The following AGPAT2 variants were observed in gnomAD, a reference collection of about 807,000 sequenced individuals.
AGPAT2 encodes the protein 1-acylglycerol-3-phosphate O-acyltransferase 2.
Under a neutral mutation model 26.1 loss-of-function variants are expected in AGPAT2, and 18 were observed. That is an observed-to-expected ratio of 0.69 (90% confidence interval 0.48 to 1.02). The LOEUF (loss-of-function observed/expected upper bound fraction) is 1.02. Ranked by LOEUF, AGPAT2 falls within the 50% of genes least tolerant of loss-of-function variation. AGPAT2 has a pLI of 0.00. For synonymous variants in AGPAT2, 200 were observed against 174.2 expected, an observed-to-expected ratio of 1.15 and a Z score of -1.16; for missense variants, 415 against 394.9, an observed-to-expected ratio of 1.05 and a Z score of -0.43.
In AGPAT2 at chr9:136,673,235, G is replaced by A. The variant is rs10320; in HGVS notation, c.*517C>T. 0.24 allele frequency: 36,271 copies of A among 152,966 alleles called. 4,853 individuals are homozygous for A. The highest frequency in any genetic ancestry group is 0.59 in the East Asian group (3,056 of 5,196). The allele number at this position is 152,966 out of a possible 1,614,324, so 9.5% of individuals were successfully genotyped here. On this transcript the variant is annotated 3_prime_UTR_variant, in exon 6 of 6. Transcript: ENST00000371696. ...CAGGCCAGCAGGAGCAGCAGGCCCC[G>A]ATTCCCGGCTCCCTGTGGCCCAGGG... is the stretch of plus-strand genomic sequence containing the variant.
chr9:136,685,942 G>A (rs765533472), intron 1 of AGPAT2, among the ~76,000 whole-genome samples: 1 of 152,184 alleles, frequency 6.6e-6, no homozygotes, highest in African/African-American at 2.4e-5. Flanking sequence ...GGACGTCAGC[G>A]CCAGTCACCA....
At chr9:136,683,406 C>T (rs1202875822) in intron 1 of AGPAT2, among the ~76,000 whole-genome samples, 1 of 152,170 alleles carries the variant, frequency 6.6e-6, no homozygotes, top group African/African-American at 2.4e-5. Flanking sequence ...GGCTGGGACA[C>T]TCCCAGGAGA....
Position 136,677,526 on chromosome 9 carries a change from C to T in AGPAT2, c.213G>A (p.Lys71=), listed in dbSNP as rs1468922821. The T allele has an allele frequency of 1.2e-6, 2 of 1,612,958 alleles. No individual in the cohort carries two copies. Among genetic ancestry groups the T allele is most frequent in the Admixed American group, 3.3e-5 (2 of 60,034 alleles). ...CCTCGAAGCGGAGCCCGTAAAAGTA[C>T]TTGAAGCTTCGCACGAACCAGCCGA... is the stretch of plus-strand genomic sequence containing the variant. ...SIIGWFVRSF[K]YFYGLRFEVR... The change falls in exon 2 of 6, where the codon AAG becomes AAA. Residue 71 remains lysine, a synonymous_variant. Coordinates refer to ENST00000371696, the MANE Select transcript of AGPAT2 (RefSeq NM_006412.4).
chr9:136,680,238 T>C (rs1180844868), intron 1 of AGPAT2, among the ~76,000 whole-genome samples: 1 of 152,222 alleles, frequency 6.6e-6, no homozygotes, highest in African/African-American at 2.4e-5. Flanking sequence ...TTTACTTTTT[T>C]ATTTTTGAGA....
At chr9:136,677,192 G>A (rs1174876772) in intron 2 of AGPAT2, 56 bp from the exon 3 acceptor site, 1 of 1,594,736 alleles carries the variant, frequency 6.3e-7, no homozygotes, top group Non-Finnish European at 8.6e-7. Flanking sequence ...TGCGCTGGAA[G>A]ACAGCTGCTG....
intron 1 of AGPAT2, among the ~76,000 whole-genome samples, chr9:136,681,228 C>T (rs1009641579): frequency 3.3e-5 from 5 of 152,088 alleles, no homozygotes; most frequent in East Asian, 1.9e-4. Context: ...CGCTGTGTCC[C>T]GCCGCCCACC....
In AGPAT2 at chr9:136,675,650, A is replaced by G. The variant is rs1158700345; in HGVS notation, c.589-843T>C. Among the ~76,000 whole-genome samples, 3 of 152,078 alleles carry G rather than the reference A, an allele frequency of 2.0e-5. No individual in the cohort carries two copies. The East Asian group carries it at 5.8e-4, about 30-fold the overall frequency. On this transcript the variant is annotated intron_variant, in intron 4 of 5. Transcript: ENST00000371696. ...CTGAAGCTGCACTGCGGCCACCCCC[A>G]GCCACCCCATCACAGCCGCCCGTCT...
intron 1 of AGPAT2, among the ~76,000 whole-genome samples, chr9:136,685,335 GGGGACAGGGCCCAGTGGGGCAGCA>G (rs1305821744): frequency 6.6e-6 from 1 of 152,246 alleles, no homozygotes; most frequent in East Asian, 1.9e-4. Context: ...AAGCTGAGAT[GGGGACAGGGCCCAGTGGGGCAGCA>G]GGGCCAGTGC....
At position 136,677,488 on chromosome 9, in the gene AGPAT2, C is replaced by T. The variant is rs755548321; in HGVS notation, c.251G>A (p.Arg84His). ...ACAGGGACGGGCCTCCTGCAGCCTG[C>T]GCGGGTCCCGCACCTCGAAGCGGAG... Reference protein sequence around the residue: ...YGLRFEVRDPRRLQEARPCVI... With the variant: ...YGLRFEVRDPHRLQEARPCVI... The change falls in exon 2 of 6, where the codon CGC becomes CAC. Residue 84 changes from arginine to histidine, a missense_variant. By Grantham distance (29) the Arg-to-His change is conservative. Coordinates refer to ENST00000371696, the MANE Select transcript of AGPAT2 (RefSeq NM_006412.4). 9 of 1,612,934 alleles carry T rather than the reference C, an allele frequency of 5.6e-6. No homozygotes were observed. The highest frequency in any genetic ancestry group is 3.3e-5 in the Admixed American group (2 of 60,016).
At chr9:136,680,943 G>A (rs1256329815) in intron 1 of AGPAT2, among the ~76,000 whole-genome samples, 3 of 152,144 alleles carry the variant, frequency 2.0e-5, no homozygotes, top group South Asian at 4.1e-4. Context: ...GGGATGACAG[G>A]AAGGAGCCAG....
intron 1 of AGPAT2, among the ~76,000 whole-genome samples, chr9:136,680,171 C>T (rs1168241906): frequency 6.6e-6 from 1 of 152,202 alleles, no homozygotes; most frequent in Non-Finnish European, 1.5e-5. Flanking sequence ...GCTCGGGCCA[C>T]ATCTGAAAGG....
In AGPAT2 at chr9:136,676,021, G is replaced by A. The variant is rs371118838; in HGVS notation, c.588+564C>T. Among the ~76,000 whole-genome samples, 25 of 152,314 alleles carry A rather than the reference G, an allele frequency of 1.6e-4. No individual in the cohort carries two copies. In the East Asian group the frequency reaches 4.4e-3, roughly 27 times the overall value. ...CAACTCTTCCCAGCACAGCGGCAGA[G>A]GCAGGACAGGTGCTGGGGGAATGGC... On this transcript the variant is annotated intron_variant, in intron 4 of 5. Coordinates refer to ENST00000371696, the MANE Select transcript of AGPAT2 (RefSeq NM_006412.4).
chr9:136,686,989 GTGACTCCGGGACCCCC>G (rs933529352), intron 1 of AGPAT2, among the ~76,000 whole-genome samples, 171 bp downstream of exon 1: 60 of 152,254 alleles, frequency 3.9e-4, no homozygotes, highest in African/African-American at 1.4e-3. Flanking sequence ...CCTTGACCCC[GTGACTCCGGGACCCCC>G]TGACTCCGGG....
At chr9:136,677,622 C>T in intron 1 of AGPAT2, 66 bp from the exon 2 acceptor site, 2 of 1,601,816 alleles carry the variant, frequency 1.2e-6, no homozygotes, top group South Asian at 2.2e-5. Flanking sequence ...GGCGCGAAGG[C>T]CTGGGGGTGG....
At chr9:136,684,992 G>C (rs913572784) in intron 1 of AGPAT2, among the ~76,000 whole-genome samples, 2 of 152,154 alleles carry the variant, frequency 1.3e-5, no homozygotes, top group Admixed American at 6.5e-5. Context: ...GGGAACGCAC[G>C]TTCGCAACAG....
Position 136,677,015 on chromosome 9 carries a change from A to G in AGPAT2, c.438T>C (p.Ser146=), listed in dbSNP as rs1161748627. The G allele has an allele frequency of 3.7e-6, 6 of 1,611,352 alleles. No individual in the cohort carries two copies. Among genetic ancestry groups the G allele is most frequent in the Non-Finnish European group, 5.1e-6 (6 of 1,179,672 alleles). Residue 146 remains serine (S), a synonymous_variant, in exon 3 of 6, where the codon TCT becomes TCC. Coordinates refer to ENST00000371696, the MANE Select transcript of AGPAT2 (RefSeq NM_006412.4). Reference sequence around the variant, plus strand: ...CGGCCATCACTGTCATGGCAGTGCTAGAGCGCTGCCGGTTGATGAAGAAGA... The same window carrying G: ...CGGCCATCACTGTCATGGCAGTGCTGGAGCGCTGCCGGTTGATGAAGAAGA... ...GGVFFINRQR[S]STAMTVMADL... is the part of the protein sequence containing the mutation.
chr9:136,675,609 G>A (rs1246496679), intron 4 of AGPAT2, among the ~76,000 whole-genome samples: 4 of 151,974 alleles, frequency 2.6e-5, no homozygotes, highest in East Asian at 1.9e-4. Flanking sequence ...GGACGGAAAA[G>A]CTGTGGGTCT....
intron 4 of AGPAT2, among the ~76,000 whole-genome samples, chr9:136,675,055 C>T (rs554311674): frequency 6.6e-5 from 10 of 152,306 alleles, no homozygotes; most frequent in Admixed American, 2.6e-4. Context: ...TGAGCTAGCA[C>T]GTGTTTGCCT....
intron 1 of AGPAT2, among the ~76,000 whole-genome samples, chr9:136,679,273 G>T (rs1300360028): frequency 6.6e-6 from 1 of 152,038 alleles, no homozygotes; most frequent in Non-Finnish European, 1.5e-5. Flanking sequence ...CCATGTGTGA[G>T]CCCAGGCCTG....
Sources: gnomAD v4.1 joint callset for allele counts (sites outside exome capture counted in the v4.1 genomes callset) on GRCh38, gnomAD v4.1.1 for gene constraint, MANE v1.5 for transcripts, NCBI Gene and HGNC (gene_info 2026-07-23, HGNC 2026-07-21) for gene names.